Variants in PTPRD observed in about 807,000 individuals in gnomAD.
PTPRD encodes protein tyrosine phosphatase receptor type D, also known as receptor-type tyrosine-protein phosphatase delta.
PTPRD carries 34 observed loss-of-function variants against 214.5 expected under a neutral mutation model. The ratio of observed to expected loss-of-function variants is 0.16; its 90% CI spans 0.12 to 0.21. The LOEUF (loss-of-function observed/expected upper bound fraction) is 0.21, where lower values mean the gene tolerates loss of function less well. Ranked by LOEUF, PTPRD falls within the 10% of genes least tolerant of loss-of-function variation. The probability of loss-of-function intolerance (pLI) is 1.00; values close to 1 mark genes in which losing one functional copy is unlikely to be tolerated. For synonymous variants in PTPRD, 1,128 were observed against 845.7 expected (o/e 1.33, Z -5.79); for missense variants, 2,545 against 2,398.7 (o/e 1.06, Z -1.27).
intron 10 of PTPRD, among the ~76,000 whole-genome samples, chr9:9,054,712 A>G (rs1425948085): frequency 6.6e-6 from 1 of 152,204 alleles, no homozygotes; most frequent in Non-Finnish European, 1.5e-5. Flanking sequence ...TTCATTGATC[A>G]TATACTGGTG....
chr9:10,372,244 T>C (rs2097641402), intron 2 of PTPRD, among the ~76,000 whole-genome samples: 1 of 152,158 alleles, frequency 6.6e-6, no homozygotes, highest in South Asian at 2.1e-4. Flanking sequence ...CACGTATACT[T>C]AGTAGTAATA....
chr9:8,617,438 T>C (rs950204700), intron 14 of PTPRD, among the ~76,000 whole-genome samples: 2 of 152,102 alleles, frequency 1.3e-5, no homozygotes, highest in African/African-American at 4.8e-5. Context: ...CTGATGTACA[T>C]AAGTAATTTA....
intron 9 of PTPRD, among the ~76,000 whole-genome samples, chr9:9,286,233 C>CCA: frequency 6.6e-6 from 1 of 151,930 alleles, no homozygotes; most frequent in South Asian, 2.1e-4. Context: ...TTGCTACTGA[C>CCA]TTACATCATG....
At chr9:8,892,606 T>A (rs1020224587) in intron 11 of PTPRD, among the ~76,000 whole-genome samples, 42 of 147,422 alleles carry the variant, frequency 2.8e-4, no homozygotes, top group African/African-American at 1.0e-3. Flanking sequence ...TATATATATG[T>A]GTGTATATAT....
At chr9:8,406,172 C>G (rs1479904273) in intron 35 of PTPRD, among the ~76,000 whole-genome samples, 2 of 152,096 alleles carry the variant, frequency 1.3e-5, no homozygotes, top group Admixed American at 6.6e-5. Flanking sequence ...TTCTAGTTTG[C>G]TCTTCCAGGG....
intron 21 of PTPRD, among the ~76,000 whole-genome samples, chr9:8,513,020 A>G (rs909459536): frequency 2.0e-5 from 3 of 152,030 alleles, no homozygotes; most frequent in African/African-American, 7.2e-5. Context: ...TCTAATAATG[A>G]AAATATTTTT....
At chr9:9,227,176 C>T (rs1215436180) in intron 9 of PTPRD, among the ~76,000 whole-genome samples, 5 of 152,182 alleles carry the variant, frequency 3.3e-5, no homozygotes, top group East Asian at 1.9e-4. Flanking sequence ...CCCCGAAGTA[C>T]AATCACGGTC....
rs1566600379 is a variant in PTPRD at position 9,945,879 on chromosome 9, CGT to C, written c.-471-7271_-471-7270del. On this transcript the variant is annotated intron_variant, in intron 4 of 45. Transcript: ENST00000381196. Reference sequence around the variant, plus strand: ...CAAAGAGCACACACACAAATCTATACGTACCTGAAATATTTTTTAAAAGATGG... The same window carrying C: ...CAAAGAGCACACACACAAATCTATACACCTGAAATATTTTTTAAAAGATGG... 2.1e-4 allele frequency among the ~76,000 whole-genome samples: 32 copies of C among 152,076 alleles called. No individual in the cohort carries two copies. In the East Asian group the frequency reaches 5.8e-3, roughly 28 times the overall value.
intron 5 of PTPRD, among the ~76,000 whole-genome samples, chr9:9,924,918 G>C (rs914669737): frequency 1.3e-5 from 2 of 152,186 alleles, no homozygotes; most frequent in Non-Finnish European, 2.9e-5. Flanking sequence ...CCTAGCTAGA[G>C]TGCATGAAAT....
intron 14 of PTPRD, among the ~76,000 whole-genome samples, chr9:8,548,980 C>G (rs576738691): frequency 2.0e-5 from 3 of 151,986 alleles, no homozygotes; most frequent in African/African-American, 7.2e-5. Flanking sequence ...TGTGAGCCAC[C>G]GTGCCCGGGC....
chr9:9,076,463 G>C (rs540682423), intron 10 of PTPRD, among the ~76,000 whole-genome samples: 2 of 151,834 alleles, frequency 1.3e-5, no homozygotes, highest in South Asian at 2.1e-4. Context: ...ACTCCTCCCA[G>C]CCTCTGGTAA....
At chr9:9,217,594 C>T (rs1456309925) in intron 9 of PTPRD, among the ~76,000 whole-genome samples, 1 of 152,162 alleles carries the variant, frequency 6.6e-6, no homozygotes, top group East Asian at 1.9e-4. Flanking sequence ...CTTCCTAAGA[C>T]ACAAACTTGA....
chr9:10,217,162 A>AT (rs1453057894), intron 3 of PTPRD, among the ~76,000 whole-genome samples: 4 of 151,606 alleles, frequency 2.6e-5, no homozygotes, highest in Non-Finnish European at 5.9e-5. Context: ...TTTACCTCAA[A>AT]TTTCTAAAGA....
chr9:10,242,165 T>G (rs2091204787), intron 3 of PTPRD, among the ~76,000 whole-genome samples: 1 of 152,006 alleles, frequency 6.6e-6, no homozygotes. Flanking sequence ...ACCATTAGCT[T>G]TCTAACTGCA....
intron 2 of PTPRD, among the ~76,000 whole-genome samples, chr9:10,397,190 G>A (rs1243549483): frequency 2.0e-5 from 3 of 151,984 alleles, no homozygotes; most frequent in African/African-American, 4.8e-5. Context: ...TGACAGGAAC[G>A]TTCTTGCATT....
intron 9 of PTPRD, among the ~76,000 whole-genome samples, chr9:9,186,577 C>T (rs998104176): frequency 6.6e-6 from 1 of 151,912 alleles, no homozygotes; most frequent in African/African-American, 2.4e-5. Context: ...TACCACCGCA[C>T]TCCAACCTGG....
chr9:8,559,181 T>C (rs1165403333), intron 14 of PTPRD, among the ~76,000 whole-genome samples: 1 of 152,242 alleles, frequency 6.6e-6, no homozygotes, highest in African/African-American at 2.4e-5. Context: ...AAATAAGTTC[T>C]AGCATTCAAT....
chr9:10,403,787 G>A (rs191097687), intron 2 of PTPRD, among the ~76,000 whole-genome samples: 19 of 151,738 alleles, frequency 1.3e-4, no homozygotes, highest in African/African-American at 2.4e-4. Context: ...ATGACATTCC[G>A]GAAAAGGCGA....
chr9:8,619,627 T>A (rs751674973), intron 14 of PTPRD, among the ~76,000 whole-genome samples: 36 of 152,136 alleles, frequency 2.4e-4, no homozygotes, highest in Middle Eastern at 6.8e-3. Flanking sequence ...AGCTCTTACA[T>A]CCCACTCCAC....
Sources: gnomAD v4.1 joint callset for allele counts (sites outside exome capture counted in the v4.1 genomes callset) on GRCh38, gnomAD v4.1.1 for gene constraint, MANE v1.5 for transcripts, NCBI Gene and HGNC (gene_info 2026-07-23, HGNC 2026-07-21) for gene names.